Variants in DACH2 observed in about 807,000 individuals in gnomAD.
DACH2 encodes the protein dachshund homolog 2.
DACH2 carries 17 observed loss-of-function variants against 35.8 expected under a neutral mutation model. The ratio of observed to expected loss-of-function variants is 0.48; its 90% CI spans 0.33 to 0.71. The LOEUF is 0.71. DACH2 is among the 30% of genes least tolerant of loss of function. The pLI, the probability that DACH2 is intolerant of heterozygous loss-of-function variation, is 0.02. For missense variants in DACH2, 469 were observed against 472.7 expected, an observed-to-expected ratio of 0.99 and a Z score of 0.07; for synonymous variants, 195 against 177.3, an observed-to-expected ratio of 1.10 and a Z score of -0.79.
intron 2 of DACH2, among the ~76,000 whole-genome samples, chrX:86,422,357 T>G (rs2036818846): frequency 9.0e-6 from 1 of 111,217 alleles, no homozygotes; most frequent in South Asian, 3.7e-4. Context: ...ACTTACTTTG[T>G]CTATAGTTTT....
At chrX:86,681,477 G>T (rs1195154796) in intron 4 of DACH2, among the ~76,000 whole-genome samples, 1 of 108,581 alleles carries the variant, frequency 9.2e-6, no homozygotes, top group Non-Finnish European at 1.9e-5. Flanking sequence ...CTATTCGGGA[G>T]GCTGAGCTGA....
intron 3 of DACH2, among the ~76,000 whole-genome samples, chrX:86,586,539 A>C (rs988290109): frequency 1.8e-5 from 2 of 110,433 alleles, no homozygotes; most frequent in East Asian, 5.7e-4. Context: ...GGGTTTTTAC[A>C]TTTAAGTTTT....
intron 2 of DACH2, among the ~76,000 whole-genome samples, chrX:86,389,782 G>A (rs1304449419): frequency 8.9e-6 from 1 of 112,086 alleles, no homozygotes; most frequent in African/African-American, 3.2e-5. Context: ...TTGGGATGCC[G>A]AAATGCCAAA....
intron 2 of DACH2, among the ~76,000 whole-genome samples, chrX:86,441,825 T>C (rs2037167247): frequency 1.9e-5 from 2 of 105,676 alleles, no homozygotes; most frequent in Non-Finnish European, 3.9e-5. Flanking sequence ...TGTTTAAAAA[T>C]TACATATTAT....
chrX:86,828,539 C>T (rs985444035), intron 11 of DACH2: 3 of 111,339 alleles, frequency 2.7e-5, no homozygotes, highest in South Asian at 3.8e-4. Flanking sequence ...AATCTTGCTT[C>T]CTCTTTATTA....
chrX:86,175,678 G>A (rs760729814), intron 1 of DACH2, among the ~76,000 whole-genome samples: 1 of 111,378 alleles, frequency 9.0e-6, no homozygotes, highest in Non-Finnish European at 1.9e-5. Flanking sequence ...GATGGGATCC[G>A]ATGTACAAGT....
At chrX:86,369,846 A>C (rs1342848669) in intron 1 of DACH2, among the ~76,000 whole-genome samples, 1 of 111,832 alleles carries the variant, frequency 8.9e-6, no homozygotes, top group African/African-American at 3.2e-5. Flanking sequence ...CTCAGATTCT[A>C]GAACACCATG....
At chrX:86,524,104 A>G (rs764012467) in intron 3 of DACH2, among the ~76,000 whole-genome samples, 27 of 112,566 alleles carry the variant, frequency 2.4e-4, no homozygotes, top group Non-Finnish European at 4.9e-4. Context: ...TGGAGGTTAG[A>G]AGCAAAATGG....
At chrX:86,318,528 C>A (rs2034956182) in intron 1 of DACH2, among the ~76,000 whole-genome samples, 1 of 111,634 alleles carries the variant, frequency 9.0e-6, no homozygotes, top group Non-Finnish European at 1.9e-5. Flanking sequence ...CATTGGCTTA[C>A]AATAACCCAA....
intron 11 of DACH2, chrX:86,829,144 C>G (rs2042589274): frequency 8.9e-6 from 1 of 111,891 alleles, no homozygotes; most frequent in Non-Finnish European, 1.9e-5. Context: ...GGAATGTTTT[C>G]TAAAGCATAA....
At chrX:86,478,240 C>A (rs1480861818) in intron 2 of DACH2, among the ~76,000 whole-genome samples, 1 of 111,845 alleles carries the variant, frequency 8.9e-6, no homozygotes, top group African/African-American at 3.3e-5. Flanking sequence ...CATTAATGTG[C>A]TTTTCTTTCT....
chrX:86,796,175 G>T (rs969314537), intron 7 of DACH2, among the ~76,000 whole-genome samples: 28 of 111,263 alleles, frequency 2.5e-4, no homozygotes, highest in Non-Finnish European at 3.2e-4. Flanking sequence ...GTGCTGCTTG[G>T]TACGTTTACA....
intron 2 of DACH2, among the ~76,000 whole-genome samples, chrX:86,439,605 C>T (rs2037126608): frequency 9.0e-6 from 1 of 111,296 alleles, no homozygotes; most frequent in South Asian, 3.7e-4. Context: ...CAGTTTCGTT[C>T]TTCTGCATAT....
At chrX:86,318,709 C>T (rs890155209) in intron 1 of DACH2, among the ~76,000 whole-genome samples, 12 of 111,317 alleles carry the variant, frequency 1.1e-4, no homozygotes, top group African/African-American at 3.6e-4. Flanking sequence ...ATCCTGTTTA[C>T]CTCTCTTCCG....
At chrX:86,767,371 C>T (rs1324588937) in intron 7 of DACH2, among the ~76,000 whole-genome samples, 2 of 111,722 alleles carry the variant, frequency 1.8e-5, no homozygotes, top group African/African-American at 3.3e-5. Flanking sequence ...CTAGTTTGAG[C>T]ATAATATCAC....
intron 3 of DACH2, among the ~76,000 whole-genome samples, chrX:86,546,407 T>TC (rs1159620820): frequency 4.6e-5 from 4 of 87,339 alleles, no homozygotes; most frequent in Admixed American, 1.3e-4. Context: ...TCTTCTTCCT[T>TC]CTTCTTCTTC....
intron 3 of DACH2, among the ~76,000 whole-genome samples, chrX:86,615,196 G>C (rs1037334898): frequency 2.2e-4 from 24 of 111,558 alleles, no homozygotes; most frequent in African/African-American, 7.8e-4. Flanking sequence ...GTTTCATGAA[G>C]GAATTCAACT....
intron 1 of DACH2, among the ~76,000 whole-genome samples, chrX:86,314,475 G>T (rs1393101502): frequency 9.0e-6 from 1 of 110,869 alleles, no homozygotes; most frequent in East Asian, 2.9e-4. Context: ...CCATGAGTGT[G>T]CCACTGCACT....
intron 1 of DACH2, among the ~76,000 whole-genome samples, chrX:86,293,792 A>C (rs878932983): frequency 1.2e-4 from 13 of 111,564 alleles, no homozygotes; most frequent in Admixed American, 7.6e-4. Context: ...CCGAGAGATC[A>C]GCTGTTAGTC....
Sources: gnomAD v4.1 joint callset for allele counts (sites outside exome capture counted in the v4.1 genomes callset) on GRCh38, gnomAD v4.1.1 for gene constraint, MANE v1.5 for transcripts, NCBI Gene and HGNC (gene_info 2026-07-23, HGNC 2026-07-21) for gene names.